The following TENM3 variants were observed in gnomAD, a reference collection of about 807,000 sequenced individuals.
TENM3 encodes the protein teneurin transmembrane protein 3.
A neutral mutation model predicts 255.1 loss-of-function variants in TENM3; 63 were observed. The ratio of observed to expected loss-of-function variants is 0.25; its 90% confidence interval spans 0.20 to 0.30. TENM3 has a LOEUF of 0.30. TENM3 is among the 10% of genes least tolerant of loss of function. TENM3 has a pLI of 1.00. For missense variants in TENM3, 2,929 were observed against 3,461.1 expected (o/e 0.85, Z 3.86); for synonymous variants, 1,306 against 1,322.3 (o/e 0.99, Z 0.27).
chr4:181,860,612 C>T, the TENM3 span, among the ~76,000 whole-genome samples: 36 of 152,086 alleles, frequency 2.4e-4, no homozygotes, highest in Non-Finnish European at 3.5e-4. Context: ...GTAGACCCTA[C>T]GGTTGATTAT....
At chr4:181,945,950 G>A in the TENM3 span, among the ~76,000 whole-genome samples, 1 of 152,036 alleles carries the variant, frequency 6.6e-6, no homozygotes. Context: ...TCCTTTCTGT[G>A]TGTGATCATT....
intron 3 of TENM3, among the ~76,000 whole-genome samples, 191 bp from the exon 4 acceptor site, chr4:182,600,733 C>T (rs923705575): frequency 1.3e-5 from 2 of 151,922 alleles, no homozygotes; most frequent in South Asian, 4.2e-4. Flanking sequence ...CAAGGGTAAA[C>T]TTGCTCTTAG....
chr4:182,021,125 C>G, the TENM3 span, among the ~76,000 whole-genome samples: 1 of 152,118 alleles, frequency 6.6e-6, no homozygotes, highest in East Asian at 1.9e-4. Flanking sequence ...TTTATATGTA[C>G]CCAATGTTTA....
At chr4:182,208,382 C>G (rs551759898) in intron 1 of TENM3, among the ~76,000 whole-genome samples, 2 of 152,238 alleles carry the variant, frequency 1.3e-5, no homozygotes, top group African/African-American at 4.8e-5. Context: ...GACTCTAGGG[C>G]AGGAGTCAGC....
At chr4:182,635,128 A>C (rs1253283354) in intron 5 of TENM3, among the ~76,000 whole-genome samples, 1 of 152,264 alleles carries the variant, frequency 6.6e-6, no homozygotes, top group African/African-American at 2.4e-5. Context: ...GTATTTGTAC[A>C]TGAACTTTTT....
the TENM3 span, among the ~76,000 whole-genome samples, chr4:182,048,042 T>C: frequency 6.6e-6 from 1 of 152,160 alleles, no homozygotes; most frequent in Admixed American, 6.5e-5. Flanking sequence ...ACCTCTTTAA[T>C]GTGCCCTGAT....
intron 6 of TENM3, among the ~76,000 whole-genome samples, chr4:182,658,811 A>G (rs1373880524): frequency 6.6e-6 from 1 of 152,186 alleles, no homozygotes; most frequent in East Asian, 1.9e-4. Context: ...GCTCACTCAC[A>G]TGGCTGGCAG....
intron 12 of TENM3, among the ~76,000 whole-genome samples, chr4:182,705,140 G>C (rs1452880988): frequency 1.3e-5 from 2 of 152,192 alleles, no homozygotes; most frequent in Non-Finnish European, 1.5e-5. Flanking sequence ...AACAGTTGCT[G>C]ATTGGAATAA....
the TENM3 span, among the ~76,000 whole-genome samples, chr4:181,580,551 G>A: frequency 1.3e-5 from 2 of 152,218 alleles, no homozygotes; most frequent in Non-Finnish European, 1.5e-5. Flanking sequence ...TCAGATAGCA[G>A]AAGTGGGGCC....
the TENM3 span, among the ~76,000 whole-genome samples, chr4:181,987,841 C>A: frequency 1.3e-5 from 2 of 151,852 alleles, no homozygotes; most frequent in African/African-American, 4.8e-5. Context: ...GTAATAAGGG[C>A]AGAAGGAGGA....
the TENM3 span, among the ~76,000 whole-genome samples, chr4:182,056,693 G>A: frequency 6.6e-6 from 1 of 152,130 alleles, no homozygotes; most frequent in East Asian, 1.9e-4. Flanking sequence ...AACAGCAAAT[G>A]TCCTTTAGTT....
chr4:181,855,195 T>G, the TENM3 span, among the ~76,000 whole-genome samples: 378 of 152,326 alleles, frequency 2.5e-3, no homozygotes, highest in African/African-American at 8.7e-3. Context: ...AACTTGTTAT[T>G]GTGTTATTAG....
chr4:182,777,547 CTTTTTTTT>C (rs1157448732), intron 24 of TENM3, among the ~76,000 whole-genome samples: 5 of 45,468 alleles, frequency 1.1e-4, no homozygotes, highest in African/African-American at 3.5e-4. Flanking sequence ...GTGTGTATTT[CTTTTTTTT>C]TTTTTTTTTT....
At chr4:181,499,993 A>G in the TENM3 span, among the ~76,000 whole-genome samples, 2 of 152,130 alleles carry the variant, frequency 1.3e-5, no homozygotes, top group Non-Finnish European at 2.9e-5. Context: ...TGTTTCTTTT[A>G]AGAGACTGTT....
chr4:182,341,407 G>T (rs1323724274), intron 2 of TENM3, among the ~76,000 whole-genome samples: 1 of 151,900 alleles, frequency 6.6e-6, no homozygotes, highest in East Asian at 1.9e-4. Flanking sequence ...ATAACCTGTG[G>T]GTCCTTTTCC....
chr4:182,359,255 T>C (rs889360707), intron 3 of TENM3, among the ~76,000 whole-genome samples: 2 of 152,122 alleles, frequency 1.3e-5, no homozygotes, highest in South Asian at 2.1e-4. Context: ...GGGAGGATTC[T>C]CTCTTTTTCT....
At chr4:181,653,783 T>C in the TENM3 span, among the ~76,000 whole-genome samples, 3 of 151,270 alleles carry the variant, frequency 2.0e-5, no homozygotes, top group Admixed American at 6.6e-5. Context: ...GCCATGGTGG[T>C]TTGCTGCACC....
At chr4:182,693,894 C>T (rs1757191598) in intron 12 of TENM3, among the ~76,000 whole-genome samples, 1 of 152,046 alleles carries the variant, frequency 6.6e-6, no homozygotes, top group Admixed American at 6.6e-5. Flanking sequence ...GTAAATGAGA[C>T]AAAGTACAAC....
intron 1 of TENM3, among the ~76,000 whole-genome samples, chr4:182,175,307 AAAAAAAAATATATAT>A (rs1561168012): frequency 9.7e-6 from 1 of 103,232 alleles, no homozygotes; most frequent in African/African-American, 2.8e-5. Flanking sequence ...TTCATTAAAA[AAAAAAAAATATATAT>A]ATATATATAT....
Sources: gnomAD v4.1 joint callset for allele counts (sites outside exome capture counted in the v4.1 genomes callset) on GRCh38, gnomAD v4.1.1 for gene constraint, MANE v1.5 for transcripts, NCBI Gene and HGNC (gene_info 2026-07-23, HGNC 2026-07-21) for gene names.